Variants in SELENOK observed in about 807,000 individuals in gnomAD.
The protein encoded by SELENOK is selenoprotein K.
Under a neutral mutation model 17.3 loss-of-function variants are expected in SELENOK, and 11 were observed. That is an observed-to-expected ratio of 0.63 (90% CI 0.40 to 1.05). The LOEUF is 1.05. Ranked by LOEUF, SELENOK falls within the 50% of genes least tolerant of loss-of-function variation. The pLI, the probability that SELENOK is intolerant of heterozygous loss-of-function variation, is 0.00. For missense variants in SELENOK, 125 were observed against 113.9 expected, an observed-to-expected ratio of 1.10 and a Z score of -0.44; for synonymous variants, 45 against 35.4, an observed-to-expected ratio of 1.27 and a Z score of -0.97.
chr3:53,886,875 T>A lies in SELENOK; in HGVS notation c.170A>T (p.Asp57Val), dbSNP rs1395194680. Residue 57 changes from aspartate to valine, a missense_variant, in exon 3 of 5, where the codon GAT becomes GTT. Asp to Val is a radical substitution (Grantham distance 152). Transcript: ENST00000495461. ...KKRRSYGNSS[D>V]SRYDDGRGPP... is the part of the protein sequence containing the mutation. ...CCCTCTTCCATCATCATATCTGGAA[T>A]CAGATGAGTTTCCATAGCTTCTTCT... is the stretch of plus-strand genomic sequence containing the variant. 1.3e-6 allele frequency: 2 copies of A among 1,569,142 alleles called. No homozygotes were observed. Among genetic ancestry groups the A allele is most frequent in the Non-Finnish European group, 8.7e-7 (1 of 1,155,258 alleles).
intron 1 of SELENOK, 50 bp from the exon 2 acceptor site, chr3:53,888,533 C>T: frequency 8.1e-7 from 1 of 1,230,794 alleles, no homozygotes; most frequent in Non-Finnish European, 1.2e-6. Flanking sequence ...AATCCCTAAC[C>T]CAAGAGGCAT....
chr3:53,888,331 T>A (rs1700141267), intron 2 of SELENOK, 62 bp downstream of exon 2: 1 of 1,012,716 alleles, frequency 9.9e-7, no homozygotes, highest in Non-Finnish European at 1.5e-6. Flanking sequence ...CCTAACATAA[T>A]GCACATGATG....
intron 1 of SELENOK, among the ~76,000 whole-genome samples, chr3:53,890,290 A>C (rs1047983983): frequency 3.9e-5 from 6 of 152,230 alleles, no homozygotes; most frequent in Non-Finnish European, 5.9e-5. Flanking sequence ...TTTTTGGAAA[A>C]AAAAAAGTCA....
In SELENOK at chr3:53,885,225, T is replaced by G. The variant is rs534191176; in HGVS notation, c.*333A>C. 4 of 204,946 alleles carry G rather than the reference T, an allele frequency of 2.0e-5. No individual in the cohort carries two copies. Among genetic ancestry groups the G allele is most frequent in the Non-Finnish European group, 2.9e-5 (3 of 103,376 alleles). The allele number at this position is 204,946 out of a possible 1,614,324, so 12.7% of individuals were successfully genotyped here. The stretch of plus-strand genomic sequence containing the variant: ...GCTAAATACACAGGCTTTTATTTGT[T>G]TTCTTCAGATTGCTTTTTCGTGAAT... On this transcript the variant is annotated 3_prime_UTR_variant, in exon 5 of 5. Transcript: ENST00000495461.
chr3:53,889,085 T>A (rs1700148736), intron 1 of SELENOK, among the ~76,000 whole-genome samples: 1 of 151,768 alleles, frequency 6.6e-6, no homozygotes, highest in Non-Finnish European at 1.5e-5. Flanking sequence ...CACATATATA[T>A]AAAACAAAAA....
chr3:53,888,185 T>C (rs1423952284), intron 2 of SELENOK: 1 of 434,996 alleles, frequency 2.3e-6, no homozygotes, highest in Non-Finnish European at 4.1e-6. Context: ...AGTTTACCAA[T>C]CCAACTAACA....
chr3:53,888,403 C>T lies in SELENOK; in HGVS notation c.100G>A (p.Val34Met). Residue 34 changes from valine (V) to methionine (M), a missense_variant, in exon 2 of 5, where the codon GTG (valine) becomes ATG (methionine). Val to Met is a conservative substitution (Grantham distance 21, BLOSUM62 1). Coordinates refer to ENST00000495461, the MANE Select transcript of SELENOK (RefSeq NM_021237.5). Reference sequence around the variant, plus strand: ...CTCTTCTATACTTACAACAAAACCACAAACTCAGCTATTCCCCAGAAGAAA... The same window carrying T: ...CTCTTCTATACTTACAACAAAACCATAAACTCAGCTATTCCCCAGAAGAAA... ...TDFFWGIAEF[V>M]VLFFKTLLQQ... 6.2e-7 allele frequency: 1 copy of T among 1,611,276 alleles called. No individual in the cohort carries two copies.
At position 53,885,053 on chromosome 3, in the gene SELENOK, T is replaced by C. The variant is rs55835925; in HGVS notation, c.*505A>G. The C allele has an allele frequency of 6.6e-6, 1 of 152,408 alleles. No homozygotes were observed. Among genetic ancestry groups the C allele is most frequent in the East Asian group, 1.9e-4 (1 of 5,192 alleles). The allele number at this position is 152,408 out of a possible 1,614,324, so 9.4% of individuals were successfully genotyped here. ...CAAATTAGACACAGTGTATTAAAGATTGATGAGACAAATATGTTAAAGATA... is the reference window on the plus strand; with the variant it reads ...CAAATTAGACACAGTGTATTAAAGACTGATGAGACAAATATGTTAAAGATA... On this transcript the variant is annotated 3_prime_UTR_variant, in exon 5 of 5. Transcript: ENST00000495461.
At chr3:53,887,347 G>T (rs1700134994) in intron 2 of SELENOK, among the ~76,000 whole-genome samples, 1 of 152,138 alleles carries the variant, frequency 6.6e-6, no homozygotes, top group Non-Finnish European at 1.5e-5. Context: ...CATTGAAATG[G>T]AATTTTTAAA....
chr3:53,886,383 C>T (rs531857035), intron 3 of SELENOK, among the ~76,000 whole-genome samples: 1 of 152,268 alleles, frequency 6.6e-6, no homozygotes, highest in African/African-American at 2.4e-5. Flanking sequence ...ACTACAGGCG[C>T]ATACCACCAC....
Position 53,888,383 on chromosome 3 carries a change from C to G in SELENOK, c.110+10G>C, listed in dbSNP as rs774745266. The G allele has an allele frequency of 5.1e-6, 8 of 1,581,502 alleles. No homozygotes were observed. The highest frequency in any genetic ancestry group is 6.1e-6 in the Non-Finnish European group (7 of 1,151,018). On this transcript the variant is annotated intron_variant, in intron 2 of 4. Coordinates refer to ENST00000495461, the MANE Select transcript of SELENOK (RefSeq NM_021237.5). ...AATATCAGGGCAATTAAGAGCTCTT[C>G]TATACTTACAACAAAACCACAAACT...
At position 53,888,428 on chromosome 3, in the gene SELENOK, A is replaced by G. The variant is rs759250099; in HGVS notation, c.75T>C (p.Asp25=). The G allele has an allele frequency of 5.0e-6, 8 of 1,612,812 alleles. No individual in the cohort carries two copies. The highest frequency in any genetic ancestry group is 6.8e-6 in the Non-Finnish European group (8 of 1,179,588). ...QSPWRLSLIT[D]FFWGIAEFVV... is the part of the protein sequence containing the mutation. ...CAAACTCAGCTATTCCCCAGAAGAA[A>G]TCTGTTATCAAAGATAATCTCCATG... Residue 25 remains aspartate (D), a synonymous_variant, in exon 2 of 5, where the codon GAT becomes GAC. Transcript: ENST00000495461.
intron 2 of SELENOK, 60 bp from the exon 3 acceptor site, chr3:53,886,994 T>C: frequency 5.3e-6 from 7 of 1,322,750 alleles, no homozygotes; most frequent in Non-Finnish European, 7.3e-6. Flanking sequence ...TAAAATATAT[T>C]TCCATGTTTT....
At chr3:53,887,026 G>C in intron 2 of SELENOK, 92 bp from the exon 3 acceptor site, 1 of 1,031,646 alleles carries the variant, frequency 9.7e-7, no homozygotes. Flanking sequence ...CTCTGTGAGA[G>C]GATTACTAAA....
chr3:53,891,303 A>C (rs1043103483), intron 1 of SELENOK, among the ~76,000 whole-genome samples: 7 of 152,184 alleles, frequency 4.6e-5, no homozygotes, highest in Non-Finnish European at 8.8e-5. Context: ...CTGTGACTTA[A>C]ATAGCCCAGG....
Position 53,885,468 on chromosome 3 carries a change from A to G in SELENOK, c.*90T>C. On this transcript the variant is annotated 3_prime_UTR_variant, in exon 5 of 5. Transcript: ENST00000495461. Reference sequence around the variant, plus strand: ...CTTGTTTAGACATACACATTCATCTACTGCTCATCATGGTCAGCCTTCCAC... The same window carrying G: ...CTTGTTTAGACATACACATTCATCTGCTGCTCATCATGGTCAGCCTTCCAC... 3 of 1,252,662 alleles carry G rather than the reference A, an allele frequency of 2.4e-6. No homozygotes were observed. The East Asian group carries it at 7.0e-5, about 29-fold the overall frequency. 77.6% of individuals were successfully genotyped at this position (1,252,662 alleles called of 1,614,324 possible).
At chr3:53,890,195 G>A (rs1005500041) in intron 1 of SELENOK, among the ~76,000 whole-genome samples, 2 of 152,120 alleles carry the variant, frequency 1.3e-5, no homozygotes, top group Non-Finnish European at 2.9e-5. Flanking sequence ...TTAGTTCTCT[G>A]CCTCTTACTA....
Position 53,885,893 on chromosome 3 carries a change from G to C in SELENOK, c.214C>G (p.Arg72Gly). 6.5e-7 allele frequency: 1 copy of C among 1,546,310 alleles called. No individual in the cohort carries two copies. The highest frequency in any genetic ancestry group is 8.7e-7 in the Non-Finnish European group (1 of 1,152,220). ...AGATGATTGATTCTACCCATTCTTC[G>C]GGGAGGGTTTCCTGGTGGCCTAATA... ...DGRGPPGNPP[R>G]RMGRINHLRG... The change falls in exon 4 of 5, where the codon CGA (arginine) becomes GGA (glycine). Residue 72 changes from arginine (R) to glycine (G), a missense_variant. Arg to Gly is a moderately radical substitution (Grantham distance 125). Coordinates refer to ENST00000495461, the MANE Select transcript of SELENOK (RefSeq NM_021237.5).
intron 1 of SELENOK, among the ~76,000 whole-genome samples, chr3:53,890,083 C>T (rs1206488897): frequency 1.3e-5 from 2 of 152,178 alleles, no homozygotes; most frequent in Admixed American, 6.5e-5. Context: ...TACTTTTCCT[C>T]TTTTCTTGAC....
Sources: gnomAD v4.1 joint callset for allele counts (sites outside exome capture counted in the v4.1 genomes callset) on GRCh38, gnomAD v4.1.1 for gene constraint, MANE v1.5 for transcripts, NCBI Gene and HGNC (gene_info 2026-07-23, HGNC 2026-07-21) for gene names.